ZDBF2: variants seen among roughly 807,000 people sequenced by gnomAD.
ZDBF2 encodes DBF4-type zinc finger-containing protein 2.
ZDBF2 carries 6 observed loss-of-function variants against 9.4 expected under a neutral mutation model. The ratio of observed to expected loss-of-function variants is 0.64; its 90% CI spans 0.35 to 1.27. The LOEUF is 1.27. Ranked by LOEUF, ZDBF2 falls within the 50% of genes most tolerant of loss-of-function variation. The pLI is 0.03. For missense variants in ZDBF2, 2,697 were observed against 2,766.8 expected (o/e 0.97, Z 0.57); for synonymous variants, 905 against 946.3 (o/e 0.96, Z 0.80).
chr2:206,295,363 C>CTTTT (rs571707187), intron 3 of ZDBF2, among the ~76,000 whole-genome samples: 93 of 110,908 alleles, frequency 8.4e-4, no homozygotes, highest in African/African-American at 1.2e-3. Flanking sequence ...CTTTTCTTTT[C>CTTTT]TTTTTTTTTT....
At position 206,313,314 on chromosome 2, in the gene ZDBF2, T is replaced by C. The variant is rs1340507930; in HGVS notation, c.*1721T>C. 1 of 152,246 alleles carries C rather than the reference T, an allele frequency of 6.6e-6. No homozygotes were observed. The highest frequency in any genetic ancestry group is 1.5e-5 in the Non-Finnish European group (1 of 68,040). The allele number at this position is 152,246 out of a possible 1,614,324, so 9.4% of individuals were successfully genotyped here. On this transcript the variant is annotated 3_prime_UTR_variant, in exon 5 of 5. Transcript: ENST00000374423. ...TACTTCTAAATTTAAATAGTAATTA[T>C]GTTTAAAAACAAATGTTTTTGTCTT...
intron 3 of ZDBF2, among the ~76,000 whole-genome samples, chr2:206,286,269 A>G (rs944337613): frequency 2.0e-5 from 3 of 152,150 alleles, no homozygotes; most frequent in Non-Finnish European, 4.4e-5. Context: ...TTTTCTATCT[A>G]GATGATCTGT....
rs779996852 is a variant in ZDBF2, at chr2:206,304,838, G to A, written c.310G>A (p.Glu104Lys). 62 of 1,613,570 alleles carry A rather than the reference G, an allele frequency of 3.8e-5. No homozygotes were observed. The highest frequency in any genetic ancestry group is 5.3e-5 in the African/African-American group (4 of 74,864). Residue 104 changes from glutamate to lysine, a missense_variant, in exon 5 of 5, where the codon GAA (glutamate) becomes AAA (lysine). Glu to Lys is a moderately conservative substitution (Grantham distance 56, BLOSUM62 1). Coordinates refer to ENST00000374423, the MANE Select transcript of ZDBF2 (RefSeq NM_020923.3). ...EDKVEDEDAT[E>K]ERPSEVSEPI... is the part of the protein sequence containing the mutation. ...TAAGGTTGAGGATGAGGATGCTACC[G>A]AAGAGAGACCATCCGAGGTTTCAGA...
At position 206,302,210 on chromosome 2, in the gene ZDBF2, A is replaced by G. The variant is rs117508612; in HGVS notation, c.189-2507A>G. ...TTTTTTGTAGAAACAGGATCTCATT[A>G]TGTTGCCAAGGCTGGTCTCAAACTC... On this transcript the variant is annotated intron_variant, in intron 4 of 4. Transcript: ENST00000374423. 5.7e-4 allele frequency among the ~76,000 whole-genome samples: 87 copies of G among 152,040 alleles called. 2 individuals carry two copies. The East Asian group carries it at 0.013, about 23-fold the overall frequency.
Position 206,305,604 on chromosome 2 carries a change from C to T in ZDBF2, c.1076C>T (p.Ser359Leu), listed in dbSNP as rs1460887228. ...NKTAFWEQKCSVSSEMKFDCI... is the reference protein window; with the variant it reads ...NKTAFWEQKCLVSSEMKFDCI... ...ACAGCCTTTTGGGAACAGAAGTGCT[C>T]AGTGAGTTCTGAAATGAAGTTTGAT... Residue 359 changes from serine (S) to leucine (L), a missense_variant, in exon 5 of 5, where the codon TCA becomes TTA. Ser to Leu is a moderately radical substitution (Grantham distance 145). This residue lies in a region of ZDBF2 where 910 missense variants were observed against 973.6 expected (regional missense o/e 0.93). Coordinates refer to ENST00000374423, the MANE Select transcript of ZDBF2 (RefSeq NM_020923.3). 4 of 1,613,822 alleles carry T rather than the reference C, an allele frequency of 2.5e-6. No individual in the cohort carries two copies. Among genetic ancestry groups the T allele is most frequent in the Admixed American group, 1.7e-5 (1 of 59,984 alleles).
At chr2:206,293,704 T>C (rs1574397315) in intron 3 of ZDBF2, among the ~76,000 whole-genome samples, 1 of 152,232 alleles carries the variant, frequency 6.6e-6, no homozygotes, top group East Asian at 1.9e-4. Flanking sequence ...AAGGCCACAG[T>C]GATATAACAA....
rs1693042654 is a variant in ZDBF2 at position 206,309,697 on chromosome 2, G to C, written c.5169G>C (p.Arg1723Ser). 1 of 1,613,626 alleles carries C rather than the reference G, an allele frequency of 6.2e-7. No homozygotes were observed. The highest frequency in any genetic ancestry group is 1.7e-5 in the Admixed American group (1 of 59,980). Residue 1723 changes from arginine (R) to serine (S), a missense_variant, in exon 5 of 5, where the codon AGG (arginine) becomes AGC (serine). By Grantham distance (110) the Arg-to-Ser change is moderately radical (BLOSUM62 -1). Transcript: ENST00000374423. ...GASSKSALHR[R>S]ADKKKRSKLK... ...CTTCCAAGTCAGCGCTCCATCGAAG[G>C]GCTGATAAAAAAAAACGTTCGAAGC...
Position 206,307,741 on chromosome 2 carries a change from A to G in ZDBF2, c.3213A>G (p.Lys1071=). The G allele has an allele frequency of 6.2e-7, 1 of 1,613,470 alleles. No individual in the cohort carries two copies. The highest frequency in any genetic ancestry group is 2.2e-5 in the East Asian group (1 of 44,856). The stretch of plus-strand genomic sequence containing the variant: ...AAAAACATGTTAATCTGAAGGACAA[A>G]AACAGTAAATCAGGTGATTCTAAAA... ...LKEKHVNLKD[K]NSKSGDSKIT... is the part of the protein sequence containing the mutation. Residue 1071 remains lysine, a synonymous_variant, in exon 5 of 5, where the codon AAA becomes AAG. Coordinates refer to ENST00000374423, the MANE Select transcript of ZDBF2 (RefSeq NM_020923.3).
chr2:206,298,877 AT>A lies in ZDBF2; in HGVS notation c.188+1514del, dbSNP rs529440527. Reference sequence around the variant, plus strand: ...CTTCAGCAAACATGTTTTTACATGAATTTTTTTTTTCTTTTTTTTTTGAGAC... The same window carrying A: ...CTTCAGCAAACATGTTTTTACATGAATTTTTTTTTCTTTTTTTTTTGAGAC... On this transcript the variant is annotated intron_variant, in intron 4 of 4. Coordinates refer to ENST00000374423, the MANE Select transcript of ZDBF2 (RefSeq NM_020923.3). 4.9e-3 allele frequency among the ~76,000 whole-genome samples: 721 copies of A among 147,950 alleles called. 5 individuals are homozygous for A. The highest frequency in any genetic ancestry group is 0.025 in the Middle Eastern group (7 of 284).
At position 206,308,655 on chromosome 2, in the gene ZDBF2, C is replaced by A; in HGVS notation, c.4127C>A (p.Ala1376Glu). 1.2e-6 allele frequency: 2 copies of A among 1,612,440 alleles called. No homozygotes were observed. Among genetic ancestry groups the A allele is most frequent in the Non-Finnish European group, 1.7e-6 (2 of 1,179,834 alleles). The change falls in exon 5 of 5, where the codon GCA becomes GAA. Residue 1376 changes from alanine (A) to glutamate (E), a missense_variant. Ala to Glu is a moderately radical substitution (Grantham distance 107). Coordinates refer to ENST00000374423, the MANE Select transcript of ZDBF2 (RefSeq NM_020923.3). ...ESSDSNDSFQ[A>E]AADELQKPVK... ...TCTGATTCCAATGACTCTTTTCAGG[C>A]AGCAGCAGATGAGCTTCAAAAACCT...
In ZDBF2 at chr2:206,311,507, G is replaced by T. The variant is rs2105783997; in HGVS notation, c.6979G>T (p.Asp2327Tyr). The T allele has an allele frequency of 6.3e-7, 1 of 1,586,574 alleles. No individual in the cohort carries two copies. The highest frequency in any genetic ancestry group is 1.2e-5 in the South Asian group (1 of 86,020). ...TCCTTCTACACCTGTGAGAGCATAT[G>T]ATCTGAGAAGCTCATCTTGTTTACA... is the stretch of plus-strand genomic sequence containing the variant. ...KGPSTPVRAYDLRSSSCLQQR... is the reference protein window; with the variant it reads ...KGPSTPVRAYYLRSSSCLQQR... The change falls in exon 5 of 5, where the codon GAT (aspartate) becomes TAT (tyrosine). Residue 2327 changes from aspartate to tyrosine, a missense_variant. Physicochemically the swap from Asp to Tyr is radical, Grantham distance 160. This residue lies in a region of ZDBF2 where 1,783 missense variants were observed against 1,776.5 expected (regional missense o/e 1.00). Transcript: ENST00000374423.
At position 206,309,244 on chromosome 2, in the gene ZDBF2, T is replaced by G. The variant is rs1428961802; in HGVS notation, c.4716T>G (p.Asp1572Glu). ...ATACAGAATGTATTGATATAGAAGATAAGAGCTGTGACTTTTTTGGTTCTG... is the reference window on the plus strand; with the variant it reads ...ATACAGAATGTATTGATATAGAAGAGAAGAGCTGTGACTTTTTTGGTTCTG... ...CINTECIDIE[D>E]KSCDFFGSEV... Residue 1572 changes from aspartate to glutamate, a missense_variant, in exon 5 of 5, where the codon GAT (aspartate) becomes GAG (glutamate). This residue lies in a region of ZDBF2 where 1,783 missense variants were observed against 1,776.5 expected (regional missense o/e 1.00). Coordinates refer to ENST00000374423, the MANE Select transcript of ZDBF2 (RefSeq NM_020923.3). 2 of 1,608,416 alleles carry G rather than the reference T, an allele frequency of 1.2e-6. No homozygotes were observed. The highest frequency in any genetic ancestry group is 1.7e-6 in the Non-Finnish European group (2 of 1,176,988).
intron 1 of ZDBF2, among the ~76,000 whole-genome samples, 154 bp from the exon 2 acceptor site, chr2:206,279,384 CAT>C (rs1289368484): frequency 2.6e-5 from 4 of 152,106 alleles, no homozygotes; most frequent in African/African-American, 9.7e-5. Flanking sequence ...TTCAGTGAGT[CAT>C]AGTATGTAAA....
At chr2:206,296,340 GT>G (rs1692176902) in intron 3 of ZDBF2, among the ~76,000 whole-genome samples, 1 of 152,212 alleles carries the variant, frequency 6.6e-6, no homozygotes, top group Admixed American at 6.5e-5. Context: ...TATTCCTGCT[GT>G]CTGCCCATTA....
At chr2:206,303,988 A>G (rs1692635728) in intron 4 of ZDBF2, among the ~76,000 whole-genome samples, 1 of 152,012 alleles carries the variant, frequency 6.6e-6, no homozygotes, top group African/African-American at 2.4e-5. Context: ...ATTTGCTATT[A>G]CCCCTCCCTC....
rs1693170881 is a variant in ZDBF2 at position 206,311,269 on chromosome 2, G to C, written c.6741G>C (p.Arg2247Ser). Residue 2247 changes from arginine (R) to serine (S), a missense_variant, in exon 5 of 5, where the codon AGG (arginine) becomes AGC (serine). This residue lies in a region of ZDBF2 where 1,783 missense variants were observed against 1,776.5 expected (regional missense o/e 1.00). Coordinates refer to ENST00000374423, the MANE Select transcript of ZDBF2 (RefSeq NM_020923.3). ...AGTCCAGGAGCGCTTTTCTTGGAAGGTATCTGAAGAAGAAAAAATCTGTTG... is the reference window on the plus strand; with the variant it reads ...AGTCCAGGAGCGCTTTTCTTGGAAGCTATCTGAAGAAGAAAAAATCTGTTG... ...RYQSRSAFLG[R>S]YLKKKKSVVS... The C allele has an allele frequency of 6.2e-7, 1 of 1,610,014 alleles. No individual in the cohort carries two copies. The highest frequency in any genetic ancestry group is 1.7e-5 in the Admixed American group (1 of 59,330).
At chr2:206,287,116 T>G (rs1186600233) in intron 3 of ZDBF2, among the ~76,000 whole-genome samples, 1 of 152,104 alleles carries the variant, frequency 6.6e-6, no homozygotes, top group African/African-American at 2.4e-5. Flanking sequence ...TGCTCTTTGG[T>G]GGGGTTGGAT....
chr2:206,305,889 GTGATGACATT>G lies in ZDBF2; in HGVS notation c.1362_1371del (p.Asp455PhefsTer10). The G allele has an allele frequency of 6.2e-7, 1 of 1,613,290 alleles. No individual in the cohort carries two copies. Among genetic ancestry groups the G allele is most frequent in the Non-Finnish European group, 8.5e-7 (1 of 1,179,610 alleles). ...TATGTTTCTAAAATAAGTTCTGATT[GTGATGACATT>G]CTTCACTTGGTTACCAACCAATCCC... On this transcript the variant is annotated frameshift_variant, in exon 5 of 5. Transcript: ENST00000374423. LOFTEE classifies it low-confidence loss of function (END_TRUNC).
At position 206,308,379 on chromosome 2, in the gene ZDBF2, G is replaced by T; in HGVS notation, c.3851G>T (p.Arg1284Ile). Residue 1284 changes from arginine to isoleucine, a missense_variant, in exon 5 of 5, where the codon AGA becomes ATA. Physicochemically the swap from Arg to Ile is moderately conservative, Grantham distance 97 (BLOSUM62 -3). This residue lies in a region of ZDBF2 where 1,783 missense variants were observed against 1,776.5 expected (regional missense o/e 1.00). Transcript: ENST00000374423. ...AAGATTGTCAAACCTACAGATTCCA[G>T]AATAAATTTTGATTCTCATGAACCC... ...ENKIVKPTDS[R>I]INFDSHEPLQ... 1 of 1,612,662 alleles carries T rather than the reference G, an allele frequency of 6.2e-7. No individual in the cohort carries two copies. Among genetic ancestry groups the T allele is most frequent in the Non-Finnish European group, 8.5e-7 (1 of 1,179,582 alleles).
Sources: allele counts gnomAD v4.1 joint callset (sites outside exome capture counted in the v4.1 genomes callset), GRCh38; gene constraint gnomAD v4.1.1; regional missense constraint gnomAD v4.1.1; transcripts MANE v1.5; gene names NCBI Gene and HGNC (gene_info 2026-07-23, HGNC 2026-07-21).